The following SYNPO2 variants were observed in gnomAD, a reference collection of about 807,000 sequenced individuals.
SYNPO2 encodes synaptopodin-2.
A neutral mutation model predicts 85.0 loss-of-function variants in SYNPO2; 56 were observed. The ratio of observed to expected loss-of-function variants is 0.66; its 90% CI spans 0.53 to 0.82. SYNPO2 has a LOEUF of 0.82. Ranked by LOEUF, SYNPO2 falls within the 40% of genes least tolerant of loss-of-function variation. The pLI is 0.00. For synonymous variants in SYNPO2, 602 were observed against 591.1 expected (o/e 1.02, Z -0.27); for missense variants, 1,575 against 1,534.2 (o/e 1.03, Z -0.44).
chr4:119,036,861 G>A, intron 4 of SYNPO2: 3 of 1,125,134 alleles, frequency 2.7e-6, no homozygotes, highest in Non-Finnish European at 2.2e-6. Context: ...TAAATATCAA[G>A]TCCTGTCAAA....
chr4:118,939,163 T>C (rs1265098973), intron 1 of SYNPO2, among the ~76,000 whole-genome samples: 8 of 152,222 alleles, frequency 5.3e-5, no homozygotes, highest in African/African-American at 9.7e-5. Context: ...GAAGTTTGTG[T>C]GTGCACAGTT....
chr4:118,878,848 G>C (rs1282413366), intron 1 of SYNPO2, among the ~76,000 whole-genome samples: 1 of 152,224 alleles, frequency 6.6e-6, no homozygotes, highest in Non-Finnish European at 1.5e-5. Context: ...ACCCCAGCCA[G>C]CAGAGGCACC....
upstream of SYNPO2, among the ~76,000 whole-genome samples, chr4:118,887,166 A>AGAGTGT (rs57115153): frequency 8.1e-3 from 1,125 of 139,128 alleles, 3 homozygotes; most frequent in South Asian, 0.012. Context: ...CATCTGAGTG[A>AGAGTGT]GTGTGTGTGT....
intron 4 of SYNPO2, chr4:119,035,572 A>G (rs1338361520): frequency 2.0e-6 from 2 of 985,260 alleles, no homozygotes; most frequent in Non-Finnish European, 2.4e-6. Context: ...TATATTTAGT[A>G]TGATTGTTAG....
intron 1 of SYNPO2, among the ~76,000 whole-genome samples, chr4:118,918,202 T>C (rs1733417890): frequency 6.6e-6 from 1 of 152,200 alleles, no homozygotes; most frequent in African/African-American, 2.4e-5. Context: ...TTAAACAATG[T>C]TTGCCAACAT....
exon 1 of SYNPO2, chr4:118,850,688 A>G (rs992012026): frequency 6.0e-5 from 24 of 398,604 alleles, no homozygotes; most frequent in African/African-American, 4.7e-4. Flanking sequence ...TTCACTTTCA[A>G]TTTGTTGCCT....
chr4:118,932,115 C>CT (rs1451434614), intron 1 of SYNPO2, among the ~76,000 whole-genome samples: 26 of 152,134 alleles, frequency 1.7e-4, no homozygotes, highest in Non-Finnish European at 2.9e-4. Flanking sequence ...CAGAAGGCAT[C>CT]TTTTTTTCTG....
intron 1 of SYNPO2, among the ~76,000 whole-genome samples, chr4:118,882,596 G>GCT (rs376935529): frequency 1.5e-3 from 223 of 151,484 alleles, no homozygotes; most frequent in African/African-American, 4.8e-3. Context: ...TAAAATATGT[G>GCT]CTCTCTCTCT....
chr4:119,059,691 T>G lies in SYNPO2; in HGVS notation c.*1757T>G, dbSNP rs1739346269. The G allele has an allele frequency of 6.6e-6, 1 of 151,316 alleles. No individual in the cohort carries two copies. Among genetic ancestry groups the G allele is most frequent in the African/African-American group, 2.4e-5 (1 of 41,106 alleles). 9.4% of individuals were successfully genotyped at this position (151,316 alleles called of 1,614,324 possible). On this transcript the variant is annotated 3_prime_UTR_variant, in exon 5 of 5. Transcript: ENST00000307142. ...TATAATCATGGTATCTTTCACAGAA[T>G]AAAAATTAAAAATAATGCCAGGGTG...
At chr4:118,989,244 TGATTATG>T (rs1302316195) in intron 1 of SYNPO2, among the ~76,000 whole-genome samples, 2 of 152,146 alleles carry the variant, frequency 1.3e-5, no homozygotes, top group East Asian at 3.9e-4. Flanking sequence ...CCCTGGCTCA[TGATTATG>T]CCTGTGGGAT....
At chr4:118,888,125 G>C (rs952019698), upstream of SYNPO2, among the ~76,000 whole-genome samples, 2 of 152,078 alleles carry the variant, frequency 1.3e-5, no homozygotes, top group African/African-American at 2.4e-5. Flanking sequence ...TTATGCAGTT[G>C]ACTAACTGTT....
At chr4:119,028,419 G>A (rs1235945742) in intron 3 of SYNPO2, among the ~76,000 whole-genome samples, 1 of 152,016 alleles carries the variant, frequency 6.6e-6, no homozygotes, top group Non-Finnish European at 1.5e-5. Context: ...TTATTGGCAA[G>A]TGCTGTTAAT....
intron 1 of SYNPO2, among the ~76,000 whole-genome samples, chr4:118,859,040 G>T (rs764587144): frequency 6.6e-6 from 1 of 152,096 alleles, no homozygotes; most frequent in Non-Finnish European, 1.5e-5. Context: ...TAAAGTTTTG[G>T]CATCTTATAA....
At chr4:118,914,288 C>T (rs1733238756) in intron 1 of SYNPO2, among the ~76,000 whole-genome samples, 1 of 152,076 alleles carries the variant, frequency 6.6e-6, no homozygotes, top group South Asian at 2.1e-4. Context: ...GAGTATCAGT[C>T]TGGGTTCAGG....
intron 1 of SYNPO2, among the ~76,000 whole-genome samples, chr4:118,993,265 A>T (rs1490745524): frequency 2.6e-5 from 4 of 151,172 alleles, no homozygotes; most frequent in Admixed American, 2.6e-4. Context: ...TATTCTCTTT[A>T]AAAAAAAATA....
At chr4:118,879,225 T>A (rs184148830) in intron 1 of SYNPO2, among the ~76,000 whole-genome samples, 149 of 152,316 alleles carry the variant, frequency 9.8e-4, no homozygotes, top group Non-Finnish European at 1.9e-3. Context: ...GGTCCGTGGC[T>A]TCATTGTTGA....
chr4:119,031,036 A>G lies in SYNPO2; in HGVS notation c.2261A>G (p.Lys754Arg). ...ATGCAAAGCTCCTCTGCCAAACAAA[A>G]GACCCCTCCTCCTGTTGCTCCAAAA... The part of the protein sequence containing the change: ...NFMQSSSAKQ[K>R]TPPPVAPKPA... The change falls in exon 4 of 5, where the codon AAG (lysine) becomes AGG (arginine). Residue 754 changes from lysine (K) to arginine (R), a missense_variant. Transcript: ENST00000307142. 1 of 1,614,084 alleles carries G rather than the reference A, an allele frequency of 6.2e-7. No individual in the cohort carries two copies. Among genetic ancestry groups the G allele is most frequent in the Non-Finnish European group, 8.5e-7 (1 of 1,180,028 alleles).
At chr4:118,944,629 CA>C (rs143224518) in intron 1 of SYNPO2, among the ~76,000 whole-genome samples, 3 of 151,486 alleles carry the variant, frequency 2.0e-5, no homozygotes, top group Non-Finnish European at 4.4e-5. Flanking sequence ...GTAATAATTA[CA>C]AAAAAAACAC....
chr4:118,905,872 C>T (rs924091094), intron 1 of SYNPO2, among the ~76,000 whole-genome samples: 1 of 152,148 alleles, frequency 6.6e-6, no homozygotes, highest in Non-Finnish European at 1.5e-5. Flanking sequence ...CTATTTGATA[C>T]TTAGATATTA....
Sources: allele counts gnomAD v4.1 joint callset (sites outside exome capture counted in the v4.1 genomes callset), GRCh38; gene constraint gnomAD v4.1.1; transcripts MANE v1.5; gene names NCBI Gene and HGNC (gene_info 2026-07-23, HGNC 2026-07-21).